The following LYZL2 variants were observed in gnomAD, a reference collection of about 807,000 sequenced individuals.
LYZL2 encodes the protein lysozyme like 2.
LYZL2 carries 13 observed loss-of-function variants against 17.1 expected under a neutral mutation model. The ratio of observed to expected loss-of-function variants is 0.76; its 90% CI spans 0.49 to 1.21. The LOEUF (loss-of-function observed/expected upper bound fraction) is 1.21. LYZL2 is among the 50% of genes most tolerant of loss of function. The pLI is 0.00. For missense variants in LYZL2, 166 were observed against 189.2 expected (o/e 0.88, Z 0.72); for synonymous variants, 63 against 74.4 (o/e 0.85, Z 0.79).
At chr10:30,616,206 T>A (rs1838525193) in intron 3 of LYZL2, among the ~76,000 whole-genome samples, 1 of 148,714 alleles carries the variant, frequency 6.7e-6, no homozygotes, top group Non-Finnish European at 1.5e-5. Flanking sequence ...TAGTGATAGA[T>A]TTTTTTTAAG....
intron 3 of LYZL2, among the ~76,000 whole-genome samples, chr10:30,617,677 A>AAAAAAAAAAAAAAAAAAAAAAG (rs1838553796): frequency 8.6e-6 from 1 of 116,528 alleles, no homozygotes; most frequent in African/African-American, 3.8e-5. Flanking sequence ...TCTGTCTCAA[A>AAAAAAAAAAAAAAAAAAAAAAG]AAAAAAAAAA....
chr10:30,628,023 G>A (rs532768497), intron 1 of LYZL2, among the ~76,000 whole-genome samples: 50 of 152,300 alleles, frequency 3.3e-4, no homozygotes, highest in Admixed American at 3.9e-4. Context: ...AGCCGGGTGT[G>A]GTGGCATGTG....
chr10:30,611,562 GGAAGGAAGGAAAGAAA>G (rs1210736065), downstream of LYZL2, among the ~76,000 whole-genome samples: 97 of 83,804 alleles, frequency 1.2e-3, no homozygotes, highest in East Asian at 0.014. Context: ...AAGGAAGGAA[GGAAGGAAGGAAAGAAA>G]GAAAGAAAGA....
At chr10:30,617,822 C>T (rs1054117739) in intron 3 of LYZL2, among the ~76,000 whole-genome samples, 32 of 151,920 alleles carry the variant, frequency 2.1e-4, no homozygotes, top group Non-Finnish European at 3.7e-4. Context: ...AAGTTCTGGC[C>T]AGGGCAATCA....
At chr10:30,610,456 C>T (rs562446730), downstream of LYZL2, among the ~76,000 whole-genome samples, 1 of 152,170 alleles carries the variant, frequency 6.6e-6, no homozygotes, top group Non-Finnish European at 1.5e-5. Context: ...GAAAACCAAA[C>T]ACCACATGTT....
chr10:30,627,956 A>G (rs576124769), intron 1 of LYZL2, among the ~76,000 whole-genome samples: 35 of 152,310 alleles, frequency 2.3e-4, no homozygotes, highest in South Asian at 6.2e-4. Flanking sequence ...TCAGGAGATC[A>G]AGACCATCCT....
At chr10:30,627,073 C>T (rs1032897057) in intron 1 of LYZL2, 133 bp from the exon 2 acceptor site, 58 of 1,320,804 alleles carry the variant, frequency 4.4e-5, no homozygotes, top group Non-Finnish European at 5.0e-5. Context: ...TCAGGGAAAA[C>T]CGGCCACTCT....
chr10:30,620,592 G>A lies in LYZL2; in HGVS notation c.298+5513C>T, dbSNP rs568634826. On this transcript the variant is annotated intron_variant, in intron 3 of 4. Coordinates refer to ENST00000647634, the MANE Select transcript of LYZL2 (RefSeq NM_183058.3). ...AGAGCCGTCAACACATACACTGTGTGTGTATTCAATAAAAAATTATTCCAT... is the reference window on the plus strand; with the variant it reads ...AGAGCCGTCAACACATACACTGTGTATGTATTCAATAAAAAATTATTCCAT... Among the ~76,000 whole-genome samples, 5 of 152,286 alleles carry A rather than the reference G, an allele frequency of 3.3e-5. No homozygotes were observed. In the East Asian group the frequency reaches 5.8e-4, roughly 18 times the overall value.
chr10:30,610,485 T>C (rs761862857), downstream of LYZL2, among the ~76,000 whole-genome samples: 4 of 151,710 alleles, frequency 2.6e-5, no homozygotes, highest in African/African-American at 7.3e-5. Context: ...TAAGTGGGAG[T>C]TGAACAATGA....
intron 3 of LYZL2, among the ~76,000 whole-genome samples, chr10:30,615,423 T>C (rs1254719546): frequency 2.6e-5 from 4 of 152,094 alleles, no homozygotes; most frequent in African/African-American, 9.7e-5. Flanking sequence ...AGTTATAAGG[T>C]GAGGAAGGTC....
At chr10:30,616,539 C>A (rs1365457829) in intron 3 of LYZL2, among the ~76,000 whole-genome samples, 1 of 152,158 alleles carries the variant, frequency 6.6e-6, no homozygotes, top group African/African-American at 2.4e-5. Context: ...CAAACAACAA[C>A]AAAAAAGTCT....
chr10:30,620,830 G>A lies in LYZL2; in HGVS notation c.298+5275C>T, dbSNP rs372938613. 1.0e-3 allele frequency among the ~76,000 whole-genome samples: 156 copies of A among 150,490 alleles called. 1 individual carries two copies. Among genetic ancestry groups the A allele is most frequent in the African/African-American group, 3.7e-3 (152 of 40,990 alleles). On this transcript the variant is annotated intron_variant, in intron 3 of 4. Transcript: ENST00000647634. ...AAATAAAAAACACAGTATCTGAAAA[G>A]AAACATCCAATCAATAAGTTTAACA...
intron 3 of LYZL2, among the ~76,000 whole-genome samples, chr10:30,616,574 A>G (rs1408886835): frequency 6.6e-6 from 1 of 152,266 alleles, no homozygotes; most frequent in Non-Finnish European, 1.5e-5. Flanking sequence ...TGAGATATAA[A>G]TATTTAGGAT....
At chr10:30,611,616 A>AAAGAAAGAAAGAAAGG (rs1838441964), downstream of LYZL2, among the ~76,000 whole-genome samples, 3 of 133,648 alleles carry the variant, frequency 2.2e-5, no homozygotes, top group South Asian at 2.5e-4. Flanking sequence ...AGAAAGAAAG[A>AAAGAAAGAAAGAAAGG]GAAAGAAAGA....
At chr10:30,611,718 GAAAGA>G (rs137937328), downstream of LYZL2, 238,524 of 466,158 alleles carry the variant, frequency 0.51, 65,819 homozygotes, top group Non-Finnish European at 0.56. Flanking sequence ...AAGAAAGAAA[GAAAGA>G]AAAGAAAAGA....
rs375605540 is a variant in LYZL2, at chr10:30,612,909, A to G, written c.299-9T>C. The G allele has an allele frequency of 1.3e-4, 205 of 1,612,816 alleles. No individual in the cohort carries two copies. The highest frequency in any genetic ancestry group is 1.7e-4 in the Non-Finnish European group (203 of 1,178,934). ...GTCATCAGTGACCAAGGCTGTAAAA[A>G]GAGAGGTCATCAGGGTTAGGCGAGA... On this transcript the variant is annotated splice_polypyrimidine_tract_variant and intron_variant, in intron 3 of 4. Coordinates refer to ENST00000647634, the MANE Select transcript of LYZL2 (RefSeq NM_183058.3).
At chr10:30,624,251 G>A (rs917649973) in intron 3 of LYZL2, among the ~76,000 whole-genome samples, 5 of 152,162 alleles carry the variant, frequency 3.3e-5, no homozygotes, top group Non-Finnish European at 7.4e-5. Context: ...ACTTCTGGAG[G>A]GGTTTAAATA....
rs200459441 is a variant in LYZL2 at position 30,612,881 on chromosome 10, G to T, written c.318C>A (p.Leu106=). 69 of 1,613,884 alleles carry T rather than the reference G, an allele frequency of 4.3e-5. No homozygotes were observed. The highest frequency in any genetic ancestry group is 5.8e-5 in the Non-Finnish European group (68 of 1,179,782). The change falls in exon 4 of 5, where the codon CTC becomes CTA. Residue 106 remains leucine, a synonymous_variant. Transcript: ENST00000647634. ...VACSALVTDD[L]TDAIICAKKI... is the part of the protein sequence containing the mutation. ...TCTTGGCACAGATAATCGCATCTGT[G>T]AGGTCATCAGTGACCAAGGCTGTAA...
chr10:30,618,687 A>G (rs1162595710), intron 3 of LYZL2, among the ~76,000 whole-genome samples: 1 of 152,236 alleles, frequency 6.6e-6, no homozygotes, highest in Non-Finnish European at 1.5e-5. Context: ...AAGATGGACT[A>G]AAGACTTAAA....
Sources: gnomAD v4.1 joint callset for allele counts (sites outside exome capture counted in the v4.1 genomes callset) on GRCh38, gnomAD v4.1.1 for gene constraint, MANE v1.5 for transcripts, NCBI Gene and HGNC (gene_info 2026-07-23, HGNC 2026-07-21) for gene names.